SLC6A3: variants seen among roughly 807,000 people sequenced by gnomAD.
SLC6A3 encodes solute carrier family 6 member 3, also known as sodium-dependent dopamine transporter.
Under a neutral mutation model 70.4 loss-of-function variants are expected in SLC6A3, and 19 were observed. That is an observed-to-expected ratio of 0.27 (90% CI 0.19 to 0.40). The LOEUF (loss-of-function observed/expected upper bound fraction) is 0.40, where lower values mean the gene tolerates loss of function less well. Ranked by LOEUF, SLC6A3 falls within the 10% of genes least tolerant of loss-of-function variation. The probability of loss-of-function intolerance (pLI) is 1.00; values close to 1 mark genes in which losing one functional copy is unlikely to be tolerated. For missense variants in SLC6A3, 613 were observed against 838.5 expected (o/e 0.73, Z 3.32); for synonymous variants, 368 against 356.6 (o/e 1.03, Z -0.36).
chr5:1,422,089 G>A lies in SLC6A3; in HGVS notation c.654-75C>T, dbSNP rs148542413. The A allele has an allele frequency of 4.7e-3, 7,018 of 1,484,712 alleles. 45 individuals are homozygous for A. The highest frequency in any genetic ancestry group is 5.8e-3 in the Non-Finnish European group (6,249 of 1,083,114). The allele number at this position is 1,484,712 out of a possible 1,614,324, so 92.0% of individuals were successfully genotyped here. ...TGGAACTGGACGGCTGAGCTTGTCC[G>A]GGGACCTGCCCTCCCCATCTCAGCA... On this transcript the variant is annotated intron_variant, in intron 4 of 14. Coordinates refer to ENST00000270349, the MANE Select transcript of SLC6A3 (RefSeq NM_001044.5).
rs2735926 is a variant in SLC6A3, at chr5:1,405,215, C to T, written c.1599+973G>A. ...ACACGGTGGAATTTCTACAAGATGCCGGGCAGGTTCTCTCACACTATGTTG... is the reference window on the plus strand; with the variant it reads ...ACACGGTGGAATTTCTACAAGATGCTGGGCAGGTTCTCTCACACTATGTTG... On this transcript the variant is annotated intron_variant, in intron 12 of 14. Transcript: ENST00000270349. This position sits in a 1 kb window ranked among gnomAD's most constrained non-coding sequence, Gnocchi z 5.3. Among the ~76,000 whole-genome samples, 3 of 152,316 alleles carry T rather than the reference C, an allele frequency of 2.0e-5. No individual in the cohort carries two copies. Among genetic ancestry groups the T allele is most frequent in the South Asian group, 2.1e-4 (1 of 4,826 alleles).
chr5:1,394,489 G>A lies in SLC6A3; in HGVS notation c.*246C>T, dbSNP rs148022051. On this transcript the variant is annotated 3_prime_UTR_variant, in exon 15 of 15. Transcript: ENST00000270349. This position sits in a 1 kb window ranked among gnomAD's most constrained non-coding sequence, Gnocchi z 4.7. ...TTTTCTGCCCTGCAGGGACAACAAC[G>A]GGGTGGACCTCGCTGCACAGATCTA... 6.5e-5 allele frequency: 40 copies of A among 614,734 alleles called. No homozygotes were observed. Among genetic ancestry groups the A allele is most frequent in the African/African-American group, 1.5e-4 (8 of 54,578 alleles). The allele number at this position is 614,734 out of a possible 1,614,324, so 38.1% of individuals were successfully genotyped here.
At chr5:1,434,406 T>G (rs772727976) in intron 3 of SLC6A3, among the ~76,000 whole-genome samples, 4 of 152,242 alleles carry the variant, frequency 2.6e-5, no homozygotes, top group Non-Finnish European at 4.4e-5. Context: ...GAGTGTCCTT[T>G]CCAGGATCAC....
In SLC6A3 at chr5:1,437,137, G is replaced by A. The variant is rs1012879710; in HGVS notation, c.418+4222C>T. On this transcript the variant is annotated intron_variant, in intron 3 of 14. Coordinates refer to ENST00000270349, the MANE Select transcript of SLC6A3 (RefSeq NM_001044.5). The surrounding 1 kb of genome is among the most constrained non-coding windows in gnomAD (Gnocchi z 4.8). ...GTGGTGGCACGCACCTGTAGCCCCA[G>A]CTACTCGGGAGGCTGGGGCAGGAGA... is the stretch of plus-strand genomic sequence containing the variant. 2.0e-5 allele frequency among the ~76,000 whole-genome samples: 3 copies of A among 152,060 alleles called. No homozygotes were observed. Among genetic ancestry groups the A allele is most frequent in the African/African-American group, 7.2e-5 (3 of 41,404 alleles).
chr5:1,416,942 T>C (rs901113392), intron 6 of SLC6A3, among the ~76,000 whole-genome samples: 2 of 151,958 alleles, frequency 1.3e-5, no homozygotes, highest in African/African-American at 4.8e-5. Context: ...CTGATAACCC[T>C]CAGAAAGTCA....
In SLC6A3 at chr5:1,408,663, T is replaced by C. The variant is rs1756044065; in HGVS notation, c.1498+363A>G. Among the ~76,000 whole-genome samples the C allele has an allele frequency of 6.6e-6, 1 of 152,212 alleles. No homozygotes were observed. The highest frequency in any genetic ancestry group is 1.5e-5 in the Non-Finnish European group (1 of 68,034). On this transcript the variant is annotated intron_variant, in intron 11 of 14. Coordinates refer to ENST00000270349, the MANE Select transcript of SLC6A3 (RefSeq NM_001044.5). The surrounding 1 kb of genome is among the most constrained non-coding windows in gnomAD (Gnocchi z 6.4). The stretch of plus-strand genomic sequence containing the variant: ...GAGCTCTGGTCAGCAGGGAAGGCGA[T>C]GACGGCACCTTTGAAAGGCACCATG...
rs28363133 is a variant in SLC6A3 at position 1,402,642 on chromosome 5, G to C, written c.1767+280C>G. On this transcript the variant is annotated intron_variant, in intron 13 of 14. Transcript: ENST00000270349. This position sits in a 1 kb window ranked among gnomAD's most constrained non-coding sequence, Gnocchi z 8.5. ...AGAGATACAGTGGATGTACACACAG[G>C]CACAAGCACACACAGACACATGCAC... is the stretch of plus-strand genomic sequence containing the variant. Among the ~76,000 whole-genome samples the C allele has an allele frequency of 4.6e-3, 704 of 152,192 alleles. 7 individuals carry two copies. Among genetic ancestry groups the C allele is most frequent in the African/African-American group, 0.016 (646 of 41,534 alleles).
intron 7 of SLC6A3, among the ~76,000 whole-genome samples, chr5:1,415,217 C>T (rs1470719572): frequency 1.3e-5 from 2 of 152,042 alleles, no homozygotes; most frequent in Admixed American, 1.3e-4. Flanking sequence ...CCATGAACTC[C>T]CAAGGGCGCT....
chr5:1,422,204 GA>G (rs1756452740), intron 4 of SLC6A3, among the ~76,000 whole-genome samples, 190 bp from the exon 5 acceptor site: 1 of 152,220 alleles, frequency 6.6e-6, no homozygotes, highest in African/African-American at 2.4e-5. Context: ...GGCCGCCCTT[GA>G]AACCCGTGGA....
rs1206827051 is a variant in SLC6A3 at position 1,438,741 on chromosome 5, G to A, written c.418+2618C>T. Reference sequence around the variant, plus strand: ...TCCAACACCAGGCTCACTGGCGGGAGTGGGGCACAGGGCTGTGCCTTGTAA... The same window carrying A: ...TCCAACACCAGGCTCACTGGCGGGAATGGGGCACAGGGCTGTGCCTTGTAA... On this transcript the variant is annotated intron_variant, in intron 3 of 14. Transcript: ENST00000270349. This position sits in a 1 kb window ranked among gnomAD's most constrained non-coding sequence, Gnocchi z 6.5. 1.3e-5 allele frequency among the ~76,000 whole-genome samples: 2 copies of A among 152,192 alleles called. No homozygotes were observed. The highest frequency in any genetic ancestry group is 1.3e-4 in the Admixed American group (2 of 15,286).
At position 1,414,733 on chromosome 5, in the gene SLC6A3, C is replaced by A; in HGVS notation, c.1114G>T (p.Ala372Ser). 1 of 1,612,784 alleles carries A rather than the reference C, an allele frequency of 6.2e-7. No individual in the cohort carries two copies. The highest frequency in any genetic ancestry group is 8.5e-7 in the Non-Finnish European group (1 of 1,179,878). ...CCGATGGGCACACTGTGCTTCTGTGCCATGTACCCCAGGAAGGAGAAGACG... is the reference window on the plus strand; with the variant it reads ...CCGATGGGCACACTGTGCTTCTGTGACATGTACCCCAGGAAGGAGAAGACG... ...FVVFSFLGYM[A>S]QKHSVPIGDV... Residue 372 changes from alanine (A) to serine (S), a missense_variant, in exon 8 of 15, where the codon GCA becomes TCA. By Grantham distance (99) the Ala-to-Ser change is moderately conservative. This residue lies in a region of SLC6A3 where 348 missense variants were observed against 481.2 expected (regional missense o/e 0.72). Coordinates refer to ENST00000270349, the MANE Select transcript of SLC6A3 (RefSeq NM_001044.5).
intron 4 of SLC6A3, among the ~76,000 whole-genome samples, chr5:1,424,574 C>G (rs368032995): frequency 1.3e-5 from 2 of 152,178 alleles, no homozygotes; most frequent in South Asian, 2.1e-4. Flanking sequence ...GACAGCACAC[C>G]CTCTCCCCTT....
chr5:1,415,246 G>GC (rs1308604289), intron 7 of SLC6A3, among the ~76,000 whole-genome samples: 1 of 152,160 alleles, frequency 6.6e-6, no homozygotes, highest in Non-Finnish European at 1.5e-5. Context: ...GGGCCTGGGG[G>GC]CCCCACTCTG....
At chr5:1,444,468 A>G (rs1733752286) in intron 1 of SLC6A3, among the ~76,000 whole-genome samples, 1 of 152,164 alleles carries the variant, frequency 6.6e-6, no homozygotes, top group Non-Finnish European at 1.5e-5. Context: ...AGGTGCGCAC[A>G]CACACACAAC....
In SLC6A3 at chr5:1,438,018, C is replaced by A. The variant is rs1307140847; in HGVS notation, c.418+3341G>T. ...ATAAGCAATGTCAGTCTCCTCTAAA[C>A]TGGCATCCTGCGCTTGACAGGTAGG... On this transcript the variant is annotated intron_variant, in intron 3 of 14. Transcript: ENST00000270349. This position sits in a 1 kb window ranked among gnomAD's most constrained non-coding sequence, Gnocchi z 6.5. 6.6e-6 allele frequency among the ~76,000 whole-genome samples: 1 copy of A among 152,354 alleles called. No individual in the cohort carries two copies. Among genetic ancestry groups the A allele is most frequent in the African/African-American group, 2.4e-5 (1 of 41,578 alleles).
Position 1,394,423 on chromosome 5 carries a change from G to T in SLC6A3, c.*312C>A. 1.9e-6 allele frequency: 1 copy of T among 519,686 alleles called. No homozygotes were observed. Among genetic ancestry groups the T allele is most frequent in the East Asian group, 3.3e-5 (1 of 30,246 alleles). 32.2% of individuals were successfully genotyped at this position (519,686 alleles called of 1,614,324 possible). On this transcript the variant is annotated 3_prime_UTR_variant, in exon 15 of 15. Coordinates refer to ENST00000270349, the MANE Select transcript of SLC6A3 (RefSeq NM_001044.5). This position sits in a 1 kb window ranked among gnomAD's most constrained non-coding sequence, Gnocchi z 4.7. ...CCTCAGAGCCGGGAGCAGGGAGCAG[G>T]GAGGGAGGGAGCCTCACACAGACAG...
chr5:1,439,509 G>A (rs1028943162), intron 3 of SLC6A3, among the ~76,000 whole-genome samples: 3 of 152,214 alleles, frequency 2.0e-5, no homozygotes, highest in African/African-American at 7.2e-5. Context: ...CATTTCCACG[G>A]CTGCGAGACT....
chr5:1,425,115 G>A (rs1483507495), intron 4 of SLC6A3, among the ~76,000 whole-genome samples: 1 of 152,234 alleles, frequency 6.6e-6, no homozygotes, highest in Non-Finnish European at 1.5e-5. Context: ...GCGTGGAAAA[G>A]ACACAGCACC....
intron 6 of SLC6A3, among the ~76,000 whole-genome samples, chr5:1,417,240 C>G (rs1476078893): frequency 6.6e-6 from 1 of 151,990 alleles, no homozygotes; most frequent in African/African-American, 2.4e-5. Context: ...GATGGCGGCA[C>G]CCTGATAACC....
Sources: gnomAD v4.1 joint callset for allele counts (sites outside exome capture counted in the v4.1 genomes callset) on GRCh38, gnomAD v4.1.1 for gene constraint, gnomAD v4.1.1 regional missense constraint, Gnocchi (gnomAD v3.1) non-coding constraint, MANE v1.5 for transcripts, NCBI Gene and HGNC (gene_info 2026-07-23, HGNC 2026-07-21) for gene names.